The following PIGN variants were observed in gnomAD, a reference collection of about 807,000 sequenced individuals.
PIGN encodes GPI ethanolamine phosphate transferase 1.
PIGN carries 117 observed loss-of-function variants against 125.4 expected under a neutral mutation model. The ratio of observed to expected loss-of-function variants is 0.93; its 90% CI spans 0.80 to 1.09. The LOEUF is 1.09. Among genes scored for constraint, PIGN ranks in the 50% least tolerant of loss-of-function variants. PIGN has a pLI of 0.00. For synonymous variants in PIGN, 392 were observed against 377.8 expected (o/e 1.04, Z -0.44); for missense variants, 1,075 against 1,094.9 (o/e 0.98, Z 0.26).
rs755696859 is a variant in PIGN, at chr18:62,145,476, T to TA, written c.922+432dup. ...TAGCTCAGTACTACCTCTTGCTTTT[T>TA]ATCTAATAGAAATATCTTGTAGGTA... On this transcript the variant is annotated intron_variant, in intron 10 of 30. Transcript: ENST00000640252. 3.5e-4 allele frequency among the ~76,000 whole-genome samples: 54 copies of TA among 152,352 alleles called. 1 individual carries two copies. Among genetic ancestry groups the TA allele is most frequent in the Admixed American group, 9.8e-4 (15 of 15,298 alleles).
intron 14 of PIGN, among the ~76,000 whole-genome samples, chr18:62,130,814 T>A (rs1048616597): frequency 3.9e-5 from 6 of 152,160 alleles, no homozygotes; most frequent in Non-Finnish European, 7.4e-5. Flanking sequence ...CTATTCCTTT[T>A]TAGAATGTCT....
At chr18:62,108,634 A>T (rs1310597673) in intron 17 of PIGN, among the ~76,000 whole-genome samples, 1 of 151,888 alleles carries the variant, frequency 6.6e-6, no homozygotes, top group East Asian at 1.9e-4. Context: ...TCTGTCGCTC[A>T]GGCTGGAGTG....
chr18:62,109,299 C>T (rs908772728), intron 17 of PIGN, among the ~76,000 whole-genome samples: 11 of 152,120 alleles, frequency 7.2e-5, no homozygotes, highest in Non-Finnish European at 1.5e-4. Context: ...TGAGGAAGCA[C>T]TTACAGGTAG....
At chr18:62,067,363 A>G (rs1197875104) in intron 30 of PIGN, among the ~76,000 whole-genome samples, 3 of 152,182 alleles carry the variant, frequency 2.0e-5, no homozygotes, top group Admixed American at 6.5e-5. Flanking sequence ...AAATGGAACC[A>G]TTTTAAATGT....
At chr18:62,067,854 G>A (rs1201564273) in intron 30 of PIGN, among the ~76,000 whole-genome samples, 1 of 152,168 alleles carries the variant, frequency 6.6e-6, no homozygotes, top group Non-Finnish European at 1.5e-5. Flanking sequence ...GAATTGCTGG[G>A]TCAGAGGTAG....
rs1231477395 is a variant in PIGN at position 62,074,838 on chromosome 18, G to A, written c.2577-17C>T. ...AGAAAAAGGCTGGAAAAAAAAAGAA[G>A]GAAAAATTACATCTAATACAACAGG... On this transcript the variant is annotated splice_polypyrimidine_tract_variant and intron_variant, in intron 28 of 30. Coordinates refer to ENST00000640252, the MANE Select transcript of PIGN (RefSeq NM_176787.5). The A allele has an allele frequency of 6.3e-7, 1 of 1,585,418 alleles. No homozygotes were observed. Among genetic ancestry groups the A allele is most frequent in the Non-Finnish European group, 8.6e-7 (1 of 1,158,370 alleles).
rs563428785 is a variant in PIGN at position 62,098,227 on chromosome 18, C to T, written c.2078-2277G>A. Among the ~76,000 whole-genome samples, 6 of 152,212 alleles carry T rather than the reference C, an allele frequency of 3.9e-5. No homozygotes were observed. The South Asian group carries it at 1.2e-3, about 32-fold the overall frequency. ...TAAGTTACATGTAATGTCAATTTCA[C>T]CTAAAGTCAAGTCACTGCAAGATTT... On this transcript the variant is annotated intron_variant, in intron 22 of 30. Transcript: ENST00000640252.
chr18:62,107,876 T>C (rs2034714377), intron 17 of PIGN, among the ~76,000 whole-genome samples: 1 of 152,166 alleles, frequency 6.6e-6, no homozygotes, highest in Admixed American at 6.6e-5. Context: ...TAAATAACCT[T>C]TTCCAAACCC....
At chr18:62,155,942 C>T (rs928676991) in intron 6 of PIGN, among the ~76,000 whole-genome samples, 2 of 152,188 alleles carry the variant, frequency 1.3e-5, no homozygotes, top group African/African-American at 4.8e-5. Flanking sequence ...CTATGACTAT[C>T]ATCTGTAAAA....
At chr18:62,093,974 T>C (rs538385494) in intron 23 of PIGN, among the ~76,000 whole-genome samples, 37 of 152,238 alleles carry the variant, frequency 2.4e-4, no homozygotes, top group African/African-American at 8.9e-4. Flanking sequence ...ATGTATCTCT[T>C]AATGAATTCA....
intron 6 of PIGN, among the ~76,000 whole-genome samples, chr18:62,155,675 C>T (rs1250630394): frequency 6.6e-6 from 1 of 152,160 alleles, no homozygotes; most frequent in Admixed American, 6.5e-5. Context: ...TTCCTCTTCC[C>T]ACATCCCAAA....
At chr18:62,141,884 C>G (rs917181868) in intron 11 of PIGN, among the ~76,000 whole-genome samples, 3 of 152,184 alleles carry the variant, frequency 2.0e-5, no homozygotes, top group African/African-American at 7.2e-5. Flanking sequence ...CTTTAATACA[C>G]CATGTACCCT....
intron 23 of PIGN, among the ~76,000 whole-genome samples, chr18:62,021,041 T>C (rs1479581676): frequency 6.6e-6 from 1 of 152,080 alleles, no homozygotes; most frequent in African/African-American, 2.4e-5. Context: ...TCTCATATTC[T>C]TTCGGGGTGA....
In PIGN at chr18:62,119,805, C is replaced by A. The variant is rs1599565346; in HGVS notation, c.1173-5166G>T. On this transcript the variant is annotated intron_variant, in intron 14 of 30. Transcript: ENST00000640252. The stretch of plus-strand genomic sequence containing the variant: ...GTTGCAGTGAGCCAAGATCGTGACA[C>A]TGCACTCCAGCCTGGGCAACAGAGT... Among the ~76,000 whole-genome samples the A allele has an allele frequency of 2.0e-5, 3 of 146,838 alleles. No homozygotes were observed. In the South Asian group the frequency reaches 6.4e-4, roughly 31 times the overall value.
intron 12 of PIGN, among the ~76,000 whole-genome samples, chr18:62,139,743 T>C (rs1186175328): frequency 6.6e-6 from 1 of 152,196 alleles, no homozygotes; most frequent in Non-Finnish European, 1.5e-5. Context: ...GGCTAGACCA[T>C]CTGGAATTTG....
At chr18:62,139,475 T>A (rs896235887) in intron 12 of PIGN, among the ~76,000 whole-genome samples, 5 of 152,256 alleles carry the variant, frequency 3.3e-5, no homozygotes, top group South Asian at 2.1e-4. Context: ...GTTAAACTTT[T>A]GTTTCATTAT....
chr18:62,154,133 TTAAAG>T (rs1208389458), intron 7 of PIGN: 21 of 189,538 alleles, frequency 1.1e-4, no homozygotes, highest in Non-Finnish European at 1.3e-4. Flanking sequence ...TAATTTTTCT[TTAAAG>T]TATTTTTTAA....
intron 9 of PIGN, 41 bp downstream of exon 9, chr18:62,146,930 A>C (rs370713025): frequency 6.3e-7 from 1 of 1,582,990 alleles, no homozygotes; most frequent in African/African-American, 1.3e-5. Context: ...ATTTATCACT[A>C]CTTTAATTGT....
intron 14 of PIGN, among the ~76,000 whole-genome samples, chr18:62,114,906 A>T (rs1052761996): frequency 1.7e-4 from 26 of 152,232 alleles, no homozygotes; most frequent in African/African-American, 6.3e-4. Flanking sequence ...AAGAAATGTA[A>T]TACTCTGGCT....
Sources: allele counts gnomAD v4.1 joint callset (sites outside exome capture counted in the v4.1 genomes callset), GRCh38; gene constraint gnomAD v4.1.1; transcripts MANE v1.5; gene names NCBI Gene and HGNC (gene_info 2026-07-23, HGNC 2026-07-21).